RAB40C: variants seen among roughly 807,000 people sequenced by gnomAD.
RAB40C encodes ras-related protein Rab-40C.
Under a neutral mutation model 28.1 loss-of-function variants are expected in RAB40C, and 8 were observed. The ratio of observed to expected loss-of-function variants is 0.28; its 90% CI spans 0.17 to 0.51. The LOEUF is 0.51. RAB40C is among the 20% of genes least tolerant of loss of function. RAB40C has a pLI of 0.97. For missense variants in RAB40C, 288 were observed against 405.9 expected, an observed-to-expected ratio of 0.71 and a Z score of 2.50; for synonymous variants, 201 against 171.7, an observed-to-expected ratio of 1.17 and a Z score of -1.34.
At chr16:608,348 A>G (rs1039521068) in intron 1 of RAB40C, among the ~76,000 whole-genome samples, 1 of 152,216 alleles carries the variant, frequency 6.6e-6, no homozygotes, top group African/African-American at 2.4e-5. Context: ...TGTGGGGATT[A>G]GTCAAGGTGA....
At chr16:604,715 T>A (rs1359267748) in intron 1 of RAB40C, among the ~76,000 whole-genome samples, 2 of 152,240 alleles carry the variant, frequency 1.3e-5, no homozygotes, top group Non-Finnish European at 2.9e-5. Context: ...ATTTATAAGC[T>A]TGCCCAGCCT....
intron 1 of RAB40C, among the ~76,000 whole-genome samples, chr16:602,717 G>C (rs1174172597): frequency 6.6e-6 from 1 of 152,208 alleles, no homozygotes; most frequent in African/African-American, 2.4e-5. Flanking sequence ...ACAGGCGTGA[G>C]CCACTGTGCC....
intron 1 of RAB40C, among the ~76,000 whole-genome samples, chr16:611,774 C>T (rs565700464): frequency 1.4e-5 from 1 of 72,660 alleles, no homozygotes; most frequent in Non-Finnish European, 2.6e-5. Flanking sequence ...CAGGGACAGC[C>T]GCCCTGGCCT....
chr16:596,271 G>C, intron 1 of RAB40C: 1 of 455,846 alleles, frequency 2.2e-6, no homozygotes, highest in Admixed American at 2.4e-5. Flanking sequence ...CACAAGGGAG[G>C]GATCTGGGTC....
At chr16:619,904 C>T (rs1428241786) in intron 3 of RAB40C, among the ~76,000 whole-genome samples, 10 of 152,318 alleles carry the variant, frequency 6.6e-5, no homozygotes, top group East Asian at 1.9e-4. Context: ...GTGGGAAGGA[C>T]GCCAGGGCGG....
intron 1 of RAB40C, among the ~76,000 whole-genome samples, chr16:615,587 TAA>T (rs1309272245): frequency 6.6e-6 from 1 of 152,210 alleles, no homozygotes; most frequent in Non-Finnish European, 1.5e-5. Flanking sequence ...GTGCCTGCGT[TAA>T]GTGTCCAGAA....
Position 590,310 on chromosome 16 carries a change from C to G in RAB40C, c.19C>G (p.Pro7Ala). 1 of 1,576,210 alleles carries G rather than the reference C, an allele frequency of 6.3e-7. No individual in the cohort carries two copies. Among genetic ancestry groups the G allele is most frequent in the South Asian group, 1.1e-5 (1 of 87,284 alleles). Residue 7 changes from proline to alanine, a missense_variant, in exon 1 of 6, where the codon CCG (proline) becomes GCG (alanine). By Grantham distance (27) the Pro-to-Ala change is conservative. Coordinates refer to ENST00000248139, the MANE Select transcript of RAB40C (RefSeq NM_021168.5). MGSQGS[P>A]VKSYDYLLKF... ...CGCGGCCATGGGCTCGCAGGGCAGT[C>G]CGGTGAAGAGCTACGACTACCTGCT... is the stretch of plus-strand genomic sequence containing the variant.
chr16:608,133 C>T (rs2036403040), intron 1 of RAB40C, among the ~76,000 whole-genome samples: 1 of 152,180 alleles, frequency 6.6e-6, no homozygotes, highest in Admixed American at 6.6e-5. Context: ...CACAGTTCCG[C>T]ATGGCTGCAG....
rs750636999 is a variant in RAB40C, at chr16:627,580, C to A, written c.804C>A (p.Ser268Arg). The change falls in exon 6 of 6, where the codon AGC becomes AGA. Residue 268 changes from serine (S) to arginine (R), a missense_variant. By Grantham distance (110) the Ser-to-Arg change is moderately radical. Transcript: ENST00000248139. ...KRSKSIRPPQ[S>R]PPQNCSRSNC... is the part of the protein sequence containing the mutation. ...CCAAGTCCATCCGTCCACCCCAGAGCCCCCCCCAGAACTGCTCGCGGAGTA... is the reference window on the plus strand; with the variant it reads ...CCAAGTCCATCCGTCCACCCCAGAGACCCCCCCAGAACTGCTCGCGGAGTA... 9 of 1,606,832 alleles carry A rather than the reference C, an allele frequency of 5.6e-6. No homozygotes were observed. Among genetic ancestry groups the A allele is most frequent in the Non-Finnish European group, 7.7e-6 (9 of 1,175,968 alleles).
At chr16:596,806 T>A (rs747299253) in intron 1 of RAB40C, among the ~76,000 whole-genome samples, 8 of 152,130 alleles carry the variant, frequency 5.3e-5, no homozygotes, top group Non-Finnish European at 1.0e-4. Context: ...TTCAGTCCTC[T>A]TGGCAGTGAA....
intron 1 of RAB40C, among the ~76,000 whole-genome samples, chr16:600,200 G>A (rs1250444406): frequency 1.3e-5 from 2 of 152,212 alleles, no homozygotes; most frequent in South Asian, 2.1e-4. Context: ...AGCTCCCTGT[G>A]TCCTGGAACA....
intron 3 of RAB40C, among the ~76,000 whole-genome samples, chr16:623,296 T>C (rs1206205070): frequency 3.9e-5 from 6 of 152,238 alleles, no homozygotes; most frequent in Admixed American, 1.3e-4. Flanking sequence ...TAGCATTTGT[T>C]TTATGTCCAT....
intron 3 of RAB40C, among the ~76,000 whole-genome samples, chr16:620,297 G>A (rs1436383625): frequency 2.0e-5 from 3 of 152,166 alleles, no homozygotes; most frequent in Non-Finnish European, 2.9e-5. Flanking sequence ...GGAGGCTGAG[G>A]CAGGAGAATC....
intron 1 of RAB40C, among the ~76,000 whole-genome samples, chr16:611,240 T>C (rs895997479): frequency 1.2e-4 from 18 of 152,286 alleles, no homozygotes; most frequent in Non-Finnish European, 2.4e-4. Context: ...GCAGCAGCCA[T>C]GGCTCCTGGT....
chr16:605,037 G>A (rs768036676), intron 1 of RAB40C, among the ~76,000 whole-genome samples: 4 of 152,028 alleles, frequency 2.6e-5, no homozygotes, highest in South Asian at 2.1e-4. Context: ...CAGCCTGGGC[G>A]ACAGAGTGAG....
rs577303968 is a variant in RAB40C, at chr16:610,020, C to T, written c.143-7188C>T. On this transcript the variant is annotated intron_variant, in intron 1 of 5. Transcript: ENST00000248139. This position sits in a 1 kb window ranked among gnomAD's most constrained non-coding sequence, Gnocchi z 4.6. ...TCCCACGGGAGGGTGGGGATGTGAA[C>T]GGCACCAGCCTGGTGGCTCGGGTGC... Among the ~76,000 whole-genome samples, 9 of 152,326 alleles carry T rather than the reference C, an allele frequency of 5.9e-5. No homozygotes were observed. The highest frequency in any genetic ancestry group is 5.8e-4 in the East Asian group (3 of 5,188).
chr16:624,898 T>C, intron 3 of RAB40C: 1 of 1,274,560 alleles, frequency 7.8e-7, no homozygotes, highest in African/African-American at 1.5e-5. Context: ...GTAATTGGTC[T>C]CTAAGGGATG....
At chr16:626,871 G>C (rs990550418) in intron 5 of RAB40C, among the ~76,000 whole-genome samples, 8 of 152,268 alleles carry the variant, frequency 5.3e-5, no homozygotes, top group Non-Finnish European at 1.2e-4. Context: ...CCAGGAGGCG[G>C]AGGTTGCAGT....
intron 1 of RAB40C, among the ~76,000 whole-genome samples, chr16:591,921 G>T (rs774028554): frequency 1.3e-4 from 20 of 152,186 alleles, no homozygotes; most frequent in Non-Finnish European, 2.1e-4. Context: ...ACTTCCAGTG[G>T]CATGGCTAAA....
Sources: gnomAD v4.1 joint callset for allele counts (sites outside exome capture counted in the v4.1 genomes callset) on GRCh38, gnomAD v4.1.1 for gene constraint, Gnocchi (gnomAD v3.1) non-coding constraint, MANE v1.5 for transcripts, NCBI Gene and HGNC (gene_info 2026-07-23, HGNC 2026-07-21) for gene names.